ATAD2B: variants seen among roughly 807,000 people sequenced by gnomAD.
ATAD2B encodes ATPase family AAA domain containing 2B, also known as ATPase family AAA domain-containing protein 2B.
Under a neutral mutation model 167.6 loss-of-function variants are expected in ATAD2B, and 40 were observed. That is an observed-to-expected ratio of 0.24 (90% CI 0.19 to 0.31). ATAD2B has a LOEUF of 0.31. Ranked by LOEUF, ATAD2B falls within the 10% of genes least tolerant of loss-of-function variation. The probability of loss-of-function intolerance (pLI) is 1.00; values close to 1 mark genes in which losing one functional copy is unlikely to be tolerated. For synonymous variants in ATAD2B, 579 were observed against 596.5 expected (o/e 0.97, Z 0.43); for missense variants, 1,242 against 1,757.2 (o/e 0.71, Z 5.24).
chr2:23,738,846 T>C, the ATAD2B span, among the ~76,000 whole-genome samples: 148 of 152,116 alleles, frequency 9.7e-4, no homozygotes, highest in African/African-American at 3.4e-3. Flanking sequence ...AATAAAGGGA[T>C]GGAGGAAGAT....
chr2:23,820,491 T>G lies in ATAD2B; in HGVS notation c.2132-609A>C, dbSNP rs796253884. Among the ~76,000 whole-genome samples, 11 of 152,280 alleles carry G rather than the reference T, an allele frequency of 7.2e-5. 1 individual carries two copies. The highest frequency in any genetic ancestry group is 2.6e-4 in the African/African-American group (11 of 41,556). ...AAAATCTCTACTGAGAATGCAACAC[T>G]TAAAGCCTTACCTGGACTACCACCT... On this transcript the variant is annotated intron_variant, in intron 16 of 27. Transcript: ENST00000238789.
chr2:23,907,830 C>G (rs867693656), intron 1 of ATAD2B, among the ~76,000 whole-genome samples: 3 of 152,052 alleles, frequency 2.0e-5, no homozygotes, highest in Non-Finnish European at 4.4e-5. Flanking sequence ...TCAGAAATAA[C>G]GCCGCATATC....
chr2:23,792,876 T>C (rs928730279), intron 19 of ATAD2B, among the ~76,000 whole-genome samples: 2 of 138,372 alleles, frequency 1.4e-5, no homozygotes, highest in East Asian at 2.4e-4. Flanking sequence ...GGCAGAAGAA[T>C]GGCGTGAACC....
At chr2:23,684,352 A>C in the ATAD2B span, 3 of 1,318,814 alleles carry the variant, frequency 2.3e-6, no homozygotes, top group Non-Finnish European at 2.9e-6. The surrounding 1 kb of genome is among the most constrained non-coding windows in gnomAD (Gnocchi z 4.4). Flanking sequence ...AAAAAAAAAA[A>C]AACTCTTAAT....
At chr2:23,707,768 G>A in the ATAD2B span, 9 of 152,242 alleles carry the variant, frequency 5.9e-5, no homozygotes, top group Non-Finnish European at 1.3e-4. Context: ...TATATATTAA[G>A]GCACCTGCCA....
the ATAD2B span, chr2:23,703,881 C>T: frequency 6.5e-7 from 1 of 1,532,644 alleles, no homozygotes. Flanking sequence ...GCTGCGGCGC[C>T]TTGACTAGGG....
At chr2:23,791,796 G>A (rs374634632) in intron 19 of ATAD2B, among the ~76,000 whole-genome samples, 7 of 152,242 alleles carry the variant, frequency 4.6e-5, no homozygotes, top group South Asian at 4.1e-4. Context: ...GGACACTGAG[G>A]ATGTTTCCAC....
At chr2:23,683,615 C>T in the ATAD2B span, among the ~76,000 whole-genome samples, 93 of 152,324 alleles carry the variant, frequency 6.1e-4, no homozygotes, top group African/African-American at 2.1e-3. Flanking sequence ...GTCCAAGACA[C>T]CGGGCACAGG....
At chr2:23,869,509 T>A (rs1695604427) in intron 9 of ATAD2B, 154 bp downstream of exon 9, 1 of 606,992 alleles carries the variant, frequency 1.6e-6, no homozygotes, top group African/African-American at 1.9e-5. Context: ...AAGGTTAGAT[T>A]TTTATTGAAA....
At chr2:23,877,519 A>AG in intron 7 of ATAD2B, among the ~76,000 whole-genome samples, 1 of 57,446 alleles carries the variant, frequency 1.7e-5, no homozygotes, top group Non-Finnish European at 3.1e-5. Flanking sequence ...AGGGAAGGGG[A>AG]GGGAAGGGGA....
rs963349423 is a variant in ATAD2B, at chr2:23,857,552, A to T, written c.1480-49T>A. The T allele has an allele frequency of 1.7e-5, 16 of 927,612 alleles. No homozygotes were observed. In the Admixed American group the frequency reaches 3.1e-4, roughly 18 times the overall value. 57.5% of individuals were successfully genotyped at this position (927,612 alleles called of 1,614,324 possible). On this transcript the variant is annotated intron_variant, in intron 12 of 27. Coordinates refer to ENST00000238789, the MANE Select transcript of ATAD2B (RefSeq NM_017552.4). The stretch of plus-strand genomic sequence containing the variant: ...ATTTATTGTATTTGTTTTCATTTTT[A>T]AAATTTATTATATTTTCTTAATAGG...
At chr2:23,821,210 C>CA (rs1687392739) in intron 16 of ATAD2B, among the ~76,000 whole-genome samples, 1 of 151,848 alleles carries the variant, frequency 6.6e-6, no homozygotes, top group Non-Finnish European at 1.5e-5. Flanking sequence ...TATTTACACA[C>CA]AAAAAAAGCT....
intron 18 of ATAD2B, among the ~76,000 whole-genome samples, chr2:23,808,703 G>C (rs748071092): frequency 1.3e-5 from 2 of 152,060 alleles, no homozygotes; most frequent in Non-Finnish European, 2.9e-5. Context: ...TACAAATTCA[G>C]TGTATCCTTT....
chr2:23,682,479 G>A, the ATAD2B span, among the ~76,000 whole-genome samples: 1 of 152,178 alleles, frequency 6.6e-6, no homozygotes, highest in Non-Finnish European at 1.5e-5. The surrounding 1 kb of genome is among the most constrained non-coding windows in gnomAD (Gnocchi z 4.1). Flanking sequence ...CTGCCTCTGT[G>A]TGGATTTGTC....
At chr2:23,720,171 C>T in the ATAD2B span, among the ~76,000 whole-genome samples, 1 of 152,156 alleles carries the variant, frequency 6.6e-6, no homozygotes, top group Non-Finnish European at 1.5e-5. Flanking sequence ...ATTCTTCCCA[C>T]AAGAAAGGGC....
chr2:23,798,900 C>CT (rs1488411668), intron 18 of ATAD2B, among the ~76,000 whole-genome samples: 1 of 152,194 alleles, frequency 6.6e-6, no homozygotes, highest in East Asian at 1.9e-4. Context: ...ACAAAATACT[C>CT]TAACTTATCT....
chr2:23,705,610 G>A, the ATAD2B span, among the ~76,000 whole-genome samples: 1 of 152,212 alleles, frequency 6.6e-6, no homozygotes, highest in African/African-American at 2.4e-5. Flanking sequence ...CAGATGGCAT[G>A]AACTAAGGGA....
At chr2:23,768,312 C>T (rs72780112) in intron 22 of ATAD2B, among the ~76,000 whole-genome samples, 18,180 of 152,022 alleles carry the variant, frequency 0.12, 1,161 homozygotes, top group Middle Eastern at 0.21. Flanking sequence ...GGTAGTAGGA[C>T]TGCTTGAGCC....
At chr2:23,857,333 T>C (rs1573067868) in intron 13 of ATAD2B, 82 bp downstream of exon 13, 4 of 715,034 alleles carry the variant, frequency 5.6e-6, no homozygotes, top group Admixed American at 3.8e-5. Context: ...GTAAGCCTCA[T>C]AGCACTTAGC....
Sources: gnomAD v4.1 joint callset for allele counts (sites outside exome capture counted in the v4.1 genomes callset) on GRCh38, gnomAD v4.1.1 for gene constraint, Gnocchi (gnomAD v3.1) non-coding constraint, MANE v1.5 for transcripts, NCBI Gene and HGNC (gene_info 2026-07-23, HGNC 2026-07-21) for gene names.